MYO7A: variants seen among roughly 807,000 people sequenced by gnomAD.
MYO7A encodes the protein myosin VIIA.
MYO7A carries 210 observed loss-of-function variants against 263.8 expected under a neutral mutation model. The ratio of observed to expected loss-of-function variants is 0.80; its 90% CI spans 0.71 to 0.89. The LOEUF is 0.89. Among genes scored for constraint, MYO7A ranks in the 40% least tolerant of loss-of-function variants. The pLI, the probability that MYO7A is intolerant of heterozygous loss-of-function variation, is 0.00. For synonymous variants in MYO7A, 1,239 were observed against 1,197.3 expected (o/e 1.03, Z -0.72); for missense variants, 2,820 against 2,968.3 (o/e 0.95, Z 1.16).
At chr11:77,201,392 A>G in intron 35 of MYO7A, 56 bp from the exon 36 acceptor site, 2 of 1,532,554 alleles carry the variant, frequency 1.3e-6, no homozygotes, top group Non-Finnish European at 1.8e-6. Context: ...CTGTGGGAAG[A>G]TGTTCCAACT....
At chr11:77,149,038 G>T (rs1483585205) in intron 4 of MYO7A, among the ~76,000 whole-genome samples, 1 of 152,192 alleles carries the variant, frequency 6.6e-6, no homozygotes, top group Non-Finnish European at 1.5e-5. Context: ...AGGGGTCTTT[G>T]GTCCACACCC....
At chr11:77,194,580 G>T in intron 32 of MYO7A, 56 bp downstream of exon 32, 1 of 1,509,868 alleles carries the variant, frequency 6.6e-7, no homozygotes, top group Non-Finnish European at 8.9e-7. Flanking sequence ...CAACCAAGGA[G>T]GTCCCAGGCC....
At chr11:77,132,760 T>A (rs558287948) in intron 2 of MYO7A, among the ~76,000 whole-genome samples, 2 of 152,306 alleles carry the variant, frequency 1.3e-5, no homozygotes, top group African/African-American at 4.8e-5. Flanking sequence ...GTACTGGGAT[T>A]ACAGGCGTGA....
intron 42 of MYO7A, 58 bp downstream of exon 42, chr11:77,207,460 C>G: frequency 8.2e-7 from 1 of 1,225,034 alleles, no homozygotes; most frequent in South Asian, 1.3e-5. Flanking sequence ...TAGGAACTTA[C>G]GGACAGCAGA....
intron 2 of MYO7A, chr11:77,139,400 G>A (rs1293836055): frequency 6.6e-6 from 1 of 152,248 alleles, no homozygotes; most frequent in Non-Finnish European, 1.5e-5. Flanking sequence ...ATATTTGATA[G>A]GAGAAAAGCT....
chr11:77,201,716 AGGTTAAC>A (rs1957076602), intron 36 of MYO7A, 78 bp downstream of exon 36: 1 of 1,438,018 alleles, frequency 7.0e-7, no homozygotes. Flanking sequence ...GCTGTACAAT[AGGTTAAC>A]GGTCTAGTGC....
intron 40 of MYO7A, 97 bp downstream of exon 40, chr11:77,205,714 C>T: frequency 2.0e-6 from 3 of 1,499,768 alleles, no homozygotes; most frequent in Admixed American, 3.8e-5. Flanking sequence ...GACCACATAG[C>T]AGTTGGGCCC....
intron 14 of MYO7A, among the ~76,000 whole-genome samples, chr11:77,163,711 C>T: frequency 6.8e-6 from 1 of 146,968 alleles, no homozygotes; most frequent in East Asian, 1.9e-4. Flanking sequence ...TTTCATTCAG[C>T]GTAATGTCTT....
intron 16 of MYO7A, among the ~76,000 whole-genome samples, chr11:77,174,295 G>A (rs1053292413): frequency 1.7e-4 from 26 of 152,270 alleles, no homozygotes; most frequent in African/African-American, 6.3e-4. Context: ...CAACGTGAAA[G>A]GTCCTCCCTG....
At chr11:77,142,864 C>G in intron 3 of MYO7A, 42 bp downstream of exon 3, 1 of 1,475,516 alleles carries the variant, frequency 6.8e-7, no homozygotes, top group South Asian at 1.2e-5. Context: ...GCCTTGGGGT[C>G]AGACCTGGGC....
chr11:77,203,936 C>A, intron 38 of MYO7A, 140 bp from the exon 39 acceptor site: 1 of 923,154 alleles, frequency 1.1e-6, no homozygotes, highest in Non-Finnish European at 1.6e-6. Flanking sequence ...TGGGGCAGAT[C>A]ATGCCCATTT....
intron 4 of MYO7A, among the ~76,000 whole-genome samples, chr11:77,154,048 G>T (rs542224423): frequency 2.0e-4 from 31 of 152,284 alleles, no homozygotes; most frequent in African/African-American, 7.5e-4. Flanking sequence ...CCAGGAGATG[G>T]AGGTTGCAGT....
At position 77,159,449 on chromosome 11, in the gene MYO7A, C is replaced by A. The variant is rs369997614; in HGVS notation, c.1006C>A (p.Arg336Ser). The A allele has an allele frequency of 2.5e-6, 4 of 1,595,284 alleles. No homozygotes were observed. Among genetic ancestry groups the A allele is most frequent in the Admixed American group, 1.7e-5 (1 of 59,340 alleles). Residue 336 changes from arginine (R) to serine (S), a missense_variant and splice_region_variant, in exon 10 of 49, where the codon CGC becomes AGC. Physicochemically the swap from Arg to Ser is moderately radical, Grantham distance 110. Coordinates refer to ENST00000409709, the MANE Select transcript of MYO7A (RefSeq NM_000260.4). ...GCTGTGCCCCTTGCTGCCAACAGCA[C>A]GCACATTTGAAAACCTGGATGCCTG... ...LHLGNLQYEA[R>S]TFENLDACEV... is the part of the protein sequence containing the mutation.
chr11:77,131,611 C>T (rs1950769363), intron 2 of MYO7A, among the ~76,000 whole-genome samples: 1 of 152,202 alleles, frequency 6.6e-6, no homozygotes, highest in African/African-American at 2.4e-5. Flanking sequence ...GTGCCAGGGC[C>T]TGGGCCCCCA....
In MYO7A at chr11:77,162,104, C is replaced by G. The variant is rs781880600; in HGVS notation, c.1344-16C>G. 6.3e-7 allele frequency: 1 copy of G among 1,584,804 alleles called. No homozygotes were observed. The highest frequency in any genetic ancestry group is 1.8e-5 in the Admixed American group (1 of 55,800). On this transcript the variant is annotated splice_polypyrimidine_tract_variant and intron_variant, in intron 12 of 48. Transcript: ENST00000409709. ...GGCCTGAACAACACCCTTACCCCATCCCTGTGCCCCTGCAGCTTTGAGCAG... is the reference window on the plus strand; with the variant it reads ...GGCCTGAACAACACCCTTACCCCATGCCTGTGCCCCTGCAGCTTTGAGCAG...
chr11:77,199,557 C>T lies in MYO7A; in HGVS notation c.4591C>T (p.Leu1531=). The part of the protein sequence containing the change: ...SSRECRVWLS[L]GCSDLGCAAP... Reference sequence around the variant, plus strand: ...CAGGGAGTGCCGTGTCTGGCTCTCACTGGGCTGCTCTGATCTTGGCTGTGC... The same window carrying T: ...CAGGGAGTGCCGTGTCTGGCTCTCATTGGGCTGCTCTGATCTTGGCTGTGC... Residue 1531 remains leucine, a synonymous_variant, in exon 35 of 49, where the codon CTG becomes TTG. Transcript: ENST00000409709. 1 of 1,518,734 alleles carries T rather than the reference C, an allele frequency of 6.6e-7. No individual in the cohort carries two copies. The highest frequency in any genetic ancestry group is 8.9e-7 in the Non-Finnish European group (1 of 1,126,690). 94.1% of individuals were successfully genotyped at this position (1,518,734 alleles called of 1,614,324 possible). A position where few individuals can be genotyped will look rare whatever the true frequency, so the allele number is the denominator to read the frequency against.
At chr11:77,199,979 A>C (rs538951123) in intron 35 of MYO7A, among the ~76,000 whole-genome samples, 161 bp downstream of exon 35, 126 of 152,332 alleles carry the variant, frequency 8.3e-4, no homozygotes, top group African/African-American at 2.9e-3. Context: ...TACAAGAAGC[A>C]TGGTGCTGGC....
intron 15 of MYO7A, among the ~76,000 whole-genome samples, chr11:77,172,104 G>A (rs544047079): frequency 4.6e-5 from 7 of 152,182 alleles, no homozygotes; most frequent in Admixed American, 2.0e-4. Flanking sequence ...GGCAGCTCCC[G>A]CCCCTCCTCC....
At chr11:77,184,897 T>C in intron 27 of MYO7A, 182 bp downstream of exon 27, 1 of 1,061,198 alleles carries the variant, frequency 9.4e-7, no homozygotes, top group Middle Eastern at 2.0e-4. Context: ...ATTCCTTGTC[T>C]GTAAAGGGGG....
Sources: allele counts gnomAD v4.1 joint callset (sites outside exome capture counted in the v4.1 genomes callset), GRCh38; gene constraint gnomAD v4.1.1; transcripts MANE v1.5; gene names NCBI Gene and HGNC (gene_info 2026-07-23, HGNC 2026-07-21).